Variants in PGAP1 observed in about 807,000 individuals in gnomAD.
The protein encoded by PGAP1 is post-GPI attachment to proteins inositol deacylase 1.
In PGAP1, 76 loss-of-function variants were observed where a neutral mutation model predicts 127.0. That is an observed-to-expected ratio of 0.60 (90% CI 0.50 to 0.72). The LOEUF (loss-of-function observed/expected upper bound fraction) is 0.72, where lower values mean the gene tolerates loss of function less well. Among genes scored for constraint, PGAP1 ranks in the 30% least tolerant of loss-of-function variants. The pLI is 0.00. For missense variants in PGAP1, 982 were observed against 1,071.3 expected (o/e 0.92, Z 1.16); for synonymous variants, 362 against 366.5 (o/e 0.99, Z 0.14).
intron 23 of PGAP1, 108 bp downstream of exon 23, chr2:196,845,774 G>A: frequency 2.5e-6 from 2 of 809,546 alleles, no homozygotes; most frequent in East Asian, 2.9e-5. Context: ...GTAACAGAGG[G>A]TTACTACAGT....
intron 1 of PGAP1, among the ~76,000 whole-genome samples, chr2:196,920,721 T>C (rs1411392242): frequency 6.6e-6 from 1 of 152,170 alleles, no homozygotes; most frequent in Non-Finnish European, 1.5e-5. Context: ...CTTATAGCCA[T>C]GTCTTGGTCA....
chr2:196,848,702 T>A (rs1559331301), intron 20 of PGAP1, among the ~76,000 whole-genome samples: 2 of 152,218 alleles, frequency 1.3e-5, no homozygotes, highest in Non-Finnish European at 2.9e-5. Context: ...TTTCCATTCA[T>A]CAATTGACAG....
chr2:196,904,020 TG>T (rs1702595312), intron 4 of PGAP1, among the ~76,000 whole-genome samples: 1 of 152,218 alleles, frequency 6.6e-6, no homozygotes, highest in African/African-American at 2.4e-5. Flanking sequence ...GAGCCTGGGA[TG>T]TTAAGTACCA....
At chr2:196,897,892 A>G (rs566388110) in intron 6 of PGAP1, among the ~76,000 whole-genome samples, 3 of 152,352 alleles carry the variant, frequency 2.0e-5, no homozygotes, top group African/African-American at 7.2e-5. Flanking sequence ...TATTTCTCCC[A>G]TAGTCTTATT....
At position 196,846,070 on chromosome 2, in the gene PGAP1, T is replaced by C. The variant is rs564332433; in HGVS notation, c.2151-53A>G. On this transcript the variant is annotated intron_variant, in intron 22 of 26. Transcript: ENST00000354764. ...TATATATTAACAAATATTTATATAG[T>C]CACATATAAGAAGAAAACAATATAG... 280 of 1,154,588 alleles carry C rather than the reference T, an allele frequency of 2.4e-4. 2 individuals carry two copies. The South Asian group carries it at 4.4e-3, about 18-fold the overall frequency. 71.5% of individuals were successfully genotyped at this position (1,154,588 alleles called of 1,614,324 possible).
intron 18 of PGAP1, among the ~76,000 whole-genome samples, chr2:196,872,148 A>C (rs1392897802): frequency 1.3e-5 from 2 of 152,206 alleles, no homozygotes; most frequent in Non-Finnish European, 2.9e-5. Flanking sequence ...TCTTCAATTT[A>C]TAAAAAAGAT....
Position 196,835,138 on chromosome 2 carries a change from C to T in PGAP1, c.*6096G>A, listed in dbSNP as rs1399561821. ...TAAAAAATAATTTCTAAGCCTATCA[C>T]ATTTTCTACTTTTCTTCCATGAGAA... On this transcript the variant is annotated 3_prime_UTR_variant, in exon 27 of 27. Coordinates refer to ENST00000354764, the MANE Select transcript of PGAP1 (RefSeq NM_024989.4). The T allele has an allele frequency of 6.6e-6, 1 of 151,956 alleles. No individual in the cohort carries two copies. The highest frequency in any genetic ancestry group is 1.5e-5 in the Non-Finnish European group (1 of 67,878). 9.4% of individuals were successfully genotyped at this position (151,956 alleles called of 1,614,324 possible).
At chr2:196,883,088 C>G (rs1412509720) in intron 12 of PGAP1, among the ~76,000 whole-genome samples, 1 of 152,098 alleles carries the variant, frequency 6.6e-6, no homozygotes, top group Non-Finnish European at 1.5e-5. Context: ...TATCAAAAGC[C>G]TTTTCTGCAT....
intron 2 of PGAP1, 87 bp from the exon 3 acceptor site, chr2:196,916,680 T>C: frequency 3.9e-6 from 5 of 1,287,710 alleles, no homozygotes; most frequent in Non-Finnish European, 5.1e-6. Context: ...TAAATAACCT[T>C]ATCCTGCATC....
At chr2:196,858,978 C>G (rs1024837926) in intron 20 of PGAP1, among the ~76,000 whole-genome samples, 4 of 151,966 alleles carry the variant, frequency 2.6e-5, no homozygotes, top group Admixed American at 6.6e-5. Context: ...TTGGACACAT[C>G]CAGCCTACCA....
intron 20 of PGAP1, among the ~76,000 whole-genome samples, chr2:196,860,545 TAAAC>T (rs777391501): frequency 8.9e-4 from 134 of 151,040 alleles, no homozygotes; most frequent in Non-Finnish European, 1.3e-3. Context: ...AAAAAACAAA[TAAAC>T]AAACAAAAAA....
intron 20 of PGAP1, among the ~76,000 whole-genome samples, chr2:196,854,960 C>CA (rs1559334905): frequency 7.0e-6 from 1 of 143,870 alleles, no homozygotes; most frequent in African/African-American, 2.5e-5. Context: ...TCTTTTTAAA[C>CA]TTTTTTTTTT....
At chr2:196,891,256 C>A (rs1338587734) in intron 9 of PGAP1, among the ~76,000 whole-genome samples, 1 of 152,078 alleles carries the variant, frequency 6.6e-6, no homozygotes, top group East Asian at 1.9e-4. Flanking sequence ...ACAAGCATTT[C>A]TAGTACCAGA....
intron 14 of PGAP1, 58 bp from the exon 15 acceptor site, chr2:196,873,816 C>G: frequency 8.7e-7 from 1 of 1,151,128 alleles, no homozygotes; most frequent in South Asian, 1.3e-5. Flanking sequence ...TAAAAACATA[C>G]TGATTATTTA....
At chr2:196,879,777 T>C (rs1247989855) in intron 13 of PGAP1, among the ~76,000 whole-genome samples, 1 of 152,160 alleles carries the variant, frequency 6.6e-6, no homozygotes, top group Non-Finnish European at 1.5e-5. Context: ...ACTTAAAGGG[T>C]ACCTAATAAT....
chr2:196,922,300 G>T, intron 1 of PGAP1: 1 of 1,148,740 alleles, frequency 8.7e-7, no homozygotes. Context: ...AACTTAAACT[G>T]AAAAATAAAG....
At position 196,884,100 on chromosome 2, in the gene PGAP1, T is replaced by C. The variant is rs145454953; in HGVS notation, c.1272+1324A>G. Among the ~76,000 whole-genome samples the C allele has an allele frequency of 1.1e-3, 164 of 152,330 alleles. No homozygotes were observed. In the East Asian group the frequency reaches 0.019, roughly 18 times the overall value. On this transcript the variant is annotated intron_variant, in intron 12 of 26. Transcript: ENST00000354764. Reference sequence around the variant, plus strand: ...TATAAAAATTTTATGATTTAAGAAATACCTTTTAAAACATAGGAAGCAAAG... The same window carrying C: ...TATAAAAATTTTATGATTTAAGAAACACCTTTTAAAACATAGGAAGCAAAG...
chr2:196,897,959 T>C (rs1355679206), intron 6 of PGAP1, among the ~76,000 whole-genome samples: 1 of 152,200 alleles, frequency 6.6e-6, no homozygotes, highest in Non-Finnish European at 1.5e-5. Flanking sequence ...GGTTCACCCC[T>C]GCAATCCCAG....
At chr2:196,913,993 G>A (rs1268940568) in intron 3 of PGAP1, among the ~76,000 whole-genome samples, 3 of 152,154 alleles carry the variant, frequency 2.0e-5, no homozygotes, top group African/African-American at 7.2e-5. Context: ...AGTCTCTAAT[G>A]AGCTTCCCTT....
Sources: allele counts gnomAD v4.1 joint callset (sites outside exome capture counted in the v4.1 genomes callset), GRCh38; gene constraint gnomAD v4.1.1; transcripts MANE v1.5; gene names NCBI Gene and HGNC (gene_info 2026-07-23, HGNC 2026-07-21).